The following WWOX variants were observed in gnomAD, a reference collection of about 807,000 sequenced individuals.
WWOX encodes WW domain-containing oxidoreductase.
Under a neutral mutation model 46.2 loss-of-function variants are expected in WWOX, and 69 were observed. The observed-to-expected ratio is 1.49, with a 90% CI of 1.23 to 1.82. The LOEUF is 1.82. WWOX is among the 40% of genes most tolerant of loss of function. The pLI is 0.00. For missense variants in WWOX, 919 were observed against 542.6 expected, an observed-to-expected ratio of 1.69 and a Z score of -6.89; for synonymous variants, 359 against 202.6, an observed-to-expected ratio of 1.77 and a Z score of -6.56.
intron 8 of WWOX, among the ~76,000 whole-genome samples, chr16:79,173,078 G>C (rs2050732811): frequency 6.6e-6 from 1 of 152,138 alleles, no homozygotes; most frequent in Non-Finnish European, 1.5e-5. Context: ...AAGACCTCCA[G>C]GATTCTCTGC....
intron 8 of WWOX, among the ~76,000 whole-genome samples, chr16:78,677,624 T>A (rs2047633029): frequency 1.3e-5 from 2 of 152,204 alleles, no homozygotes; most frequent in South Asian, 2.1e-4. Flanking sequence ...GACTTTCACC[T>A]TTTATGATAC....
At chr16:78,382,028 A>G (rs2081966481) in intron 5 of WWOX, among the ~76,000 whole-genome samples, 1 of 151,976 alleles carries the variant, frequency 6.6e-6, no homozygotes, top group East Asian at 1.9e-4. Context: ...AGCCAGTTAT[A>G]TTTTAGATGC....
At chr16:79,154,578 G>T (rs1381060046) in intron 8 of WWOX, among the ~76,000 whole-genome samples, 1 of 150,694 alleles carries the variant, frequency 6.6e-6, no homozygotes, top group South Asian at 2.1e-4. Flanking sequence ...GGGGATATTC[G>T]ATGGCAATTT....
intron 8 of WWOX, among the ~76,000 whole-genome samples, chr16:78,753,817 A>AT (rs1243886456): frequency 3.4e-4 from 26 of 76,764 alleles, no homozygotes; most frequent in Non-Finnish European, 4.9e-4. Context: ...AAAAAAAAAA[A>AT]AAAAAAAAAT....
chr16:78,389,825 A>G (rs2082141891), intron 6 of WWOX, among the ~76,000 whole-genome samples: 1 of 152,104 alleles, frequency 6.6e-6, no homozygotes. Flanking sequence ...ATCTCTGTTC[A>G]TTGCAACCTC....
chr16:78,521,987 C>G (rs2043357945), intron 8 of WWOX, among the ~76,000 whole-genome samples: 1 of 151,960 alleles, frequency 6.6e-6, no homozygotes, highest in African/African-American at 2.4e-5. Context: ...TGCAAGTTTT[C>G]AGGAAACTGA....
At chr16:79,064,671 A>G (rs1229202492) in intron 8 of WWOX, among the ~76,000 whole-genome samples, 4 of 152,222 alleles carry the variant, frequency 2.6e-5, no homozygotes, top group Non-Finnish European at 5.9e-5. Context: ...TCCTGCAAGG[A>G]TTAAATGAGA....
intron 6 of WWOX, among the ~76,000 whole-genome samples, chr16:78,421,956 A>G (rs888451992): frequency 2.6e-5 from 4 of 152,196 alleles, no homozygotes; most frequent in African/African-American, 9.6e-5. Context: ...GTGCAGGAAT[A>G]TATATTCCCA....
At chr16:78,908,548 A>AAG (rs1350731707) in intron 8 of WWOX, among the ~76,000 whole-genome samples, 5 of 151,252 alleles carry the variant, frequency 3.3e-5, no homozygotes, top group African/African-American at 4.9e-5. Context: ...TCGGAAAAAA[A>AAG]AAAAAGAGTT....
intron 8 of WWOX, among the ~76,000 whole-genome samples, chr16:78,912,517 C>T (rs917119371): frequency 5.3e-5 from 8 of 151,948 alleles, no homozygotes; most frequent in African/African-American, 1.2e-4. Flanking sequence ...CAAGAAATGC[C>T]AGCTCCTCCG....
intron 8 of WWOX, among the ~76,000 whole-genome samples, chr16:78,602,727 C>T (rs768182098): frequency 1.2e-4 from 19 of 152,164 alleles, no homozygotes; most frequent in African/African-American, 4.3e-4. Context: ...CTTTAACGAT[C>T]CATTTACTGT....
chr16:78,548,097 G>A (rs1304404504), intron 8 of WWOX, among the ~76,000 whole-genome samples: 1 of 145,012 alleles, frequency 6.9e-6, no homozygotes, highest in African/African-American at 2.5e-5. Flanking sequence ...GGAGGTTGCA[G>A]TGAGCTGAGA....
chr16:78,173,958 T>TGA (rs111730428), intron 5 of WWOX, among the ~76,000 whole-genome samples: 7,058 of 146,072 alleles, frequency 0.048, 190 homozygotes, highest in Middle Eastern at 0.08. Context: ...TGAGAGGAAT[T>TGA]GAGAGAGAGA....
intron 8 of WWOX, among the ~76,000 whole-genome samples, chr16:78,750,575 G>A (rs575581895): frequency 6.6e-6 from 1 of 151,972 alleles, no homozygotes; most frequent in African/African-American, 2.4e-5. Context: ...GGCTTCAATT[G>A]AACCCATCAC....
At chr16:78,948,528 C>G (rs2045993485) in intron 8 of WWOX, among the ~76,000 whole-genome samples, 1 of 152,154 alleles carries the variant, frequency 6.6e-6, no homozygotes, top group Admixed American at 6.5e-5. Flanking sequence ...GACAGCTCTG[C>G]TGCCTGATTG....
intron 8 of WWOX, chr16:79,101,671 C>G (rs564347351): frequency 6.6e-6 from 1 of 150,526 alleles, no homozygotes; most frequent in Non-Finnish European, 1.5e-5. Context: ...ACGCAACAGA[C>G]AGAAACTTTC....
chr16:78,939,281 A>C (rs558760505), intron 8 of WWOX, among the ~76,000 whole-genome samples: 1 of 152,222 alleles, frequency 6.6e-6, no homozygotes, highest in South Asian at 2.1e-4. Context: ...TACCTGGTCT[A>C]GAGAGGCTGC....
At chr16:78,758,554 A>G (rs988130933) in intron 8 of WWOX, among the ~76,000 whole-genome samples, 4 of 152,196 alleles carry the variant, frequency 2.6e-5, no homozygotes, top group African/African-American at 9.7e-5. Context: ...ATACTTTTCA[A>G]CACAATTCCA....
chr16:78,747,089 C>T (rs1247605575), intron 8 of WWOX, among the ~76,000 whole-genome samples: 2 of 152,036 alleles, frequency 1.3e-5, no homozygotes, highest in Non-Finnish European at 2.9e-5. Context: ...CTCTAGTCTT[C>T]TTTCTTTTCC....
Sources: gnomAD v4.1 joint callset for allele counts (sites outside exome capture counted in the v4.1 genomes callset) on GRCh38, gnomAD v4.1.1 for gene constraint, MANE v1.5 for transcripts, NCBI Gene and HGNC (gene_info 2026-07-23, HGNC 2026-07-21) for gene names.